The following MTHFD1L variants were observed in gnomAD, a reference collection of about 807,000 sequenced individuals.
The protein encoded by MTHFD1L is methylenetetrahydrofolate dehydrogenase (NADP+ dependent) 1 like.
A neutral mutation model predicts 119.5 loss-of-function variants in MTHFD1L; 81 were observed. That is an observed-to-expected ratio of 0.68 (90% CI 0.57 to 0.82). MTHFD1L has a LOEUF of 0.82. Among genes scored for constraint, MTHFD1L ranks in the 40% least tolerant of loss-of-function variants. MTHFD1L has a pLI of 0.00. For synonymous variants in MTHFD1L, 430 were observed against 475.2 expected (o/e 0.90, Z 1.24); for missense variants, 1,125 against 1,253.4 (o/e 0.90, Z 1.55).
At chr6:150,937,072 G>A (rs1792195433) in intron 12 of MTHFD1L, 132 bp downstream of exon 12, 2 of 1,114,136 alleles carry the variant, frequency 1.8e-6, no homozygotes, top group East Asian at 2.6e-5. Context: ...TGCACACTCA[G>A]TACATAGTGG....
chr6:151,000,169 T>C (rs1780408282), intron 20 of MTHFD1L, among the ~76,000 whole-genome samples: 1 of 152,204 alleles, frequency 6.6e-6, no homozygotes, highest in East Asian at 1.9e-4. Flanking sequence ...AAACCCCGTC[T>C]CTACTAAAAA....
intron 15 of MTHFD1L, among the ~76,000 whole-genome samples, chr6:150,948,015 GT>G (rs200143533): frequency 0.013 from 1,962 of 150,166 alleles, 48 homozygotes; most frequent in African/African-American, 0.046. Context: ...TTTGTTTTTT[GT>G]TTTTTTTTGA....
At chr6:150,921,338 C>T (rs1788899688) in intron 9 of MTHFD1L, among the ~76,000 whole-genome samples, 1 of 151,960 alleles carries the variant, frequency 6.6e-6, no homozygotes, top group African/African-American at 2.4e-5. Context: ...AGGCTGGTCT[C>T]GAACTCCCGA....
At chr6:151,052,169 C>T (rs1268298476) in intron 26 of MTHFD1L, among the ~76,000 whole-genome samples, 1 of 152,176 alleles carries the variant, frequency 6.6e-6, no homozygotes, top group Non-Finnish European at 1.5e-5. Context: ...GAGTGCCCTG[C>T]ACCGAGGCTG....
chr6:150,975,820 A>G (rs905992005), intron 20 of MTHFD1L, among the ~76,000 whole-genome samples: 3 of 152,128 alleles, frequency 2.0e-5, no homozygotes, highest in African/African-American at 7.2e-5. Context: ...CCTGAGCAGT[A>G]CCTCATTTAG....
intron 8 of MTHFD1L, among the ~76,000 whole-genome samples, chr6:150,912,323 C>T (rs1158093662): frequency 1.3e-5 from 2 of 151,208 alleles, no homozygotes; most frequent in Non-Finnish European, 2.9e-5. Context: ...CAAGTTCTAC[C>T]TGTACTGATT....
At position 150,930,042 on chromosome 6, in the gene MTHFD1L, C is replaced by T. The variant is rs143506384; in HGVS notation, c.1256+3747C>T. The stretch of plus-strand genomic sequence containing the variant: ...TATATTTTTTAGGGCTGTAAACTGT[C>T]ATCAGTATCTAATCCCTTAATAGCT... On this transcript the variant is annotated intron_variant, in intron 11 of 27. Coordinates refer to ENST00000367321, the MANE Select transcript of MTHFD1L (RefSeq NM_015440.5). Among the ~76,000 whole-genome samples the T allele has an allele frequency of 1.5e-3, 225 of 152,308 alleles. 1 individual carries two copies. The highest frequency in any genetic ancestry group is 5.0e-3 in the African/African-American group (207 of 41,560).
intron 26 of MTHFD1L, among the ~76,000 whole-genome samples, chr6:151,081,260 G>A (rs1793134590): frequency 6.6e-6 from 1 of 152,150 alleles, no homozygotes; most frequent in South Asian, 2.1e-4. Flanking sequence ...TTTCAGGGTA[G>A]TGATGAGCAC....
intron 20 of MTHFD1L, chr6:150,984,911 G>C (rs1778049533): frequency 6.6e-6 from 1 of 152,132 alleles, no homozygotes; most frequent in South Asian, 2.1e-4. Context: ...CTTCTGAGTA[G>C]CCACGCATAT....
intron 7 of MTHFD1L, 21 bp downstream of exon 7, chr6:150,888,002 A>G (rs1440974778): frequency 5.7e-6 from 9 of 1,587,754 alleles, no homozygotes; most frequent in South Asian, 1.2e-5. Context: ...TGTTAGAAAC[A>G]TACATCTTGA....
At chr6:150,911,528 A>G (rs1422903653) in intron 8 of MTHFD1L, among the ~76,000 whole-genome samples, 1 of 152,126 alleles carries the variant, frequency 6.6e-6, no homozygotes, top group Non-Finnish European at 1.5e-5. Context: ...CTGTACAGGT[A>G]GTATGATGCT....
chr6:150,937,531 C>T (rs1341032558), intron 12 of MTHFD1L, among the ~76,000 whole-genome samples: 3 of 152,176 alleles, frequency 2.0e-5, no homozygotes, highest in East Asian at 3.8e-4. Flanking sequence ...GTCCTTGGCA[C>T]TTCGTGATTT....
chr6:150,873,331 T>A (rs1779857123), intron 1 of MTHFD1L, among the ~76,000 whole-genome samples: 1 of 152,116 alleles, frequency 6.6e-6, no homozygotes, highest in African/African-American at 2.4e-5. Context: ...TAAAAAGAAG[T>A]GTTCCTTTCA....
chr6:150,878,678 C>G lies in MTHFD1L; in HGVS notation c.417+852C>G, dbSNP rs1039459604. Among the ~76,000 whole-genome samples the G allele has an allele frequency of 4.6e-5, 7 of 152,198 alleles. No individual in the cohort carries two copies. In the East Asian group the frequency reaches 1.3e-3, roughly 29 times the overall value. ...TCTGCCGCCTTTGTGGTTTGGTTAA[C>G]AAGCACTTTGTTCTGATTGATCAGT... On this transcript the variant is annotated intron_variant, in intron 4 of 27. Transcript: ENST00000367321.
chr6:150,897,773 C>T (rs1165447840), intron 7 of MTHFD1L, among the ~76,000 whole-genome samples: 4 of 152,226 alleles, frequency 2.6e-5, no homozygotes, highest in Non-Finnish European at 2.9e-5. Flanking sequence ...TCTGCACTAT[C>T]AGCAGAGTCT....
chr6:150,936,688 A>G (rs1404111652), intron 11 of MTHFD1L, 116 bp from the exon 12 acceptor site: 1 of 1,252,626 alleles, frequency 8.0e-7, no homozygotes, highest in Non-Finnish European at 1.1e-6. Context: ...AGAAAATTAA[A>G]TTATGGAGTG....
chr6:150,938,846 T>C (rs1792582718), intron 13 of MTHFD1L, 101 bp downstream of exon 13: 1 of 1,399,304 alleles, frequency 7.1e-7, no homozygotes. Flanking sequence ...TCATCCATAA[T>C]CCCAAAGTCA....
rs2128988141 is a variant in MTHFD1L at position 150,956,048 on chromosome 6, A to G, written c.1780A>G (p.Thr594Ala). The G allele has an allele frequency of 2.5e-6, 4 of 1,614,112 alleles. No individual in the cohort carries two copies. The highest frequency in any genetic ancestry group is 3.4e-6 in the Non-Finnish European group (4 of 1,179,938). Residue 594 changes from threonine (T) to alanine (A), a missense_variant, in exon 17 of 28, where the codon ACA becomes GCA. Physicochemically the swap from Thr to Ala is moderately conservative, Grantham distance 58. Around this residue, in one of 3 missense-constraint regions of MTHFD1L, gnomAD observed 1,058 missense variants for 1,151.2 expected, o/e 0.92. Transcript: ENST00000367321. ...LRKITIGQGN[T>A]EKGHYRQAQF... ...AAAAATAACCATCGGGCAGGGAAAC[A>G]CAGAGAAGGGCCATTACCGGCAGGT...
chr6:150,999,150 A>G (rs541568241), intron 20 of MTHFD1L, among the ~76,000 whole-genome samples: 1 of 152,242 alleles, frequency 6.6e-6, no homozygotes, highest in South Asian at 2.1e-4. Context: ...AAAGCCAAAA[A>G]TCACTTCAGT....
Sources: allele counts gnomAD v4.1 joint callset (sites outside exome capture counted in the v4.1 genomes callset), GRCh38; gene constraint gnomAD v4.1.1; regional missense constraint gnomAD v4.1.1; transcripts MANE v1.5; gene names NCBI Gene and HGNC (gene_info 2026-07-23, HGNC 2026-07-21).